Variants in NFIA observed in about 807,000 individuals in gnomAD.
The protein encoded by NFIA is nuclear factor I A.
A neutral mutation model predicts 62.8 loss-of-function variants in NFIA; 8 were observed. The ratio of observed to expected loss-of-function variants is 0.13; its 90% CI spans 0.07 to 0.23. The LOEUF (loss-of-function observed/expected upper bound fraction) is 0.23. Ranked by LOEUF, NFIA falls within the 10% of genes least tolerant of loss-of-function variation. The pLI, the probability that NFIA is intolerant of heterozygous loss-of-function variation, is 1.00. For synonymous variants in NFIA, 235 were observed against 238.1 expected (o/e 0.99, Z 0.12); for missense variants, 410 against 642.1 (o/e 0.64, Z 3.91).
At chr1:61,114,657 G>A (rs1276536094) in intron 2 of NFIA, among the ~76,000 whole-genome samples, 1 of 152,148 alleles carries the variant, frequency 6.6e-6, no homozygotes, top group Non-Finnish European at 1.5e-5. Context: ...CTGAGGTCAT[G>A]TCAGAGTTAC....
chr1:61,449,446 T>C (rs1667966272), intron 10 of NFIA, among the ~76,000 whole-genome samples: 2 of 152,232 alleles, frequency 1.3e-5, no homozygotes, highest in Non-Finnish European at 2.9e-5. Flanking sequence ...AATTAAAGTT[T>C]AGCAACTGTG....
rs1553168460 is a variant in NFIA at position 61,283,594 on chromosome 1, A to AAAAG, written c.625+6012_625+6013insGAAA. 9.1e-5 allele frequency among the ~76,000 whole-genome samples: 10 copies of AAAAG among 110,110 alleles called. 1 individual carries two copies. The highest frequency in any genetic ancestry group is 3.0e-4 in the East Asian group (1 of 3,290). 72.2% of individuals were successfully genotyped at this position (110,110 alleles called of 152,430 possible). ...GAGACTCTGTCTCAAAAAAAAAAAA[A>AAAAG]AAAAAAAAAAAAAAGATTTATGTGT... On this transcript the variant is annotated intron_variant, in intron 3 of 10. Transcript: ENST00000403491.
intron 2 of NFIA, among the ~76,000 whole-genome samples, chr1:61,225,416 A>G (rs1347640760): frequency 1.3e-5 from 2 of 151,856 alleles, no homozygotes; most frequent in African/African-American, 2.4e-5. Flanking sequence ...ATGCCCAGCT[A>G]ATTTTTGTAT....
At chr1:61,419,126 A>G (rs566787475) in intron 9 of NFIA, among the ~76,000 whole-genome samples, 4 of 152,196 alleles carry the variant, frequency 2.6e-5, no homozygotes, top group Non-Finnish European at 5.9e-5. Context: ...ATTATGAGAA[A>G]GAATGTTACA....
At chr1:61,350,995 A>T (rs971329613) in intron 4 of NFIA, among the ~76,000 whole-genome samples, 1 of 152,192 alleles carries the variant, frequency 6.6e-6, no homozygotes, top group Non-Finnish European at 1.5e-5. Flanking sequence ...CAGCTTTACG[A>T]TGGTGGGAAA....
At chr1:61,192,277 C>T (rs1651689775) in intron 2 of NFIA, among the ~76,000 whole-genome samples, 1 of 151,984 alleles carries the variant, frequency 6.6e-6, no homozygotes, top group Non-Finnish European at 1.5e-5. Context: ...AGCCACTGCA[C>T]CCGGCCAAAA....
chr1:61,409,022 T>C (rs996515565), intron 9 of NFIA, among the ~76,000 whole-genome samples: 9 of 152,234 alleles, frequency 5.9e-5, no homozygotes, highest in Admixed American at 5.2e-4. Context: ...CCAAGTGCTA[T>C]GTATAAGATG....
intron 2 of NFIA, among the ~76,000 whole-genome samples, chr1:61,251,902 A>G (rs1023466933): frequency 2.0e-5 from 3 of 152,212 alleles, no homozygotes; most frequent in African/African-American, 4.8e-5. Context: ...ATATATTTAG[A>G]TCAACTTGAA....
chr1:61,390,157 G>A (rs572204791), intron 7 of NFIA, among the ~76,000 whole-genome samples: 4 of 152,268 alleles, frequency 2.6e-5, no homozygotes, highest in South Asian at 4.2e-4. Flanking sequence ...CTGGCACTAC[G>A]CAAGTCCAGA....
At chr1:61,205,077 C>T (rs1652807166) in intron 2 of NFIA, among the ~76,000 whole-genome samples, 1 of 152,178 alleles carries the variant, frequency 6.6e-6, no homozygotes, top group Non-Finnish European at 1.5e-5. Flanking sequence ...CAATTAGGTA[C>T]TTAATGGCTA....
rs1651026541 is a variant in NFIA at position 61,184,622 on chromosome 1, C to CT, written c.560-92897dup. On this transcript the variant is annotated intron_variant, in intron 2 of 10. Transcript: ENST00000403491. ...TGAGAAACTGGTGGACCGACACACT[C>CT]TAATTTTTTGGCTTCTGACCAAACA... Among the ~76,000 whole-genome samples the CT allele has an allele frequency of 2.0e-5, 3 of 152,220 alleles. No individual in the cohort carries two copies. In the South Asian group the frequency reaches 6.2e-4, roughly 32 times the overall value.
intron 2 of NFIA, among the ~76,000 whole-genome samples, chr1:61,236,532 C>G (rs889679277): frequency 2.0e-5 from 3 of 152,032 alleles, no homozygotes; most frequent in African/African-American, 4.8e-5. Flanking sequence ...AGAGAAAATG[C>G]CGAAGTTGTA....
intron 9 of NFIA, among the ~76,000 whole-genome samples, chr1:61,417,537 AT>A (rs1666408625): frequency 6.6e-6 from 1 of 151,880 alleles, no homozygotes; most frequent in African/African-American, 2.4e-5. Context: ...TAGAATTGGA[AT>A]TGCTAATACA....
chr1:61,081,957 GC>G (rs1262968318), upstream of NFIA: 1 of 1,550,552 alleles, frequency 6.4e-7, no homozygotes. Flanking sequence ...CAAATGTGCC[GC>G]CCGGCCTCCT....
At chr1:61,209,334 G>A (rs1653095447) in intron 2 of NFIA, among the ~76,000 whole-genome samples, 1 of 151,920 alleles carries the variant, frequency 6.6e-6, no homozygotes, top group Non-Finnish European at 1.5e-5. Context: ...AGCCAGCTAG[G>A]GTTAAACAGG....
chr1:61,335,797 A>G (rs1040885719), intron 4 of NFIA, among the ~76,000 whole-genome samples: 31 of 152,018 alleles, frequency 2.0e-4, no homozygotes, highest in Non-Finnish European at 7.4e-5. Context: ...AGCTGAGATC[A>G]TGCCATTGCA....
intron 4 of NFIA, among the ~76,000 whole-genome samples, chr1:61,343,297 G>A (rs1454092623): frequency 1.3e-5 from 2 of 152,298 alleles, no homozygotes; most frequent in East Asian, 3.9e-4. Context: ...GTATCTTCCT[G>A]ATTCGGAGTG....
At chr1:61,440,992 A>G (rs1035393430) in intron 10 of NFIA, among the ~76,000 whole-genome samples, 6 of 152,220 alleles carry the variant, frequency 3.9e-5, no homozygotes, top group African/African-American at 1.4e-4. Flanking sequence ...TCATTTTAAT[A>G]AAGTAGCACC....
At chr1:61,274,905 TG>T (rs1657715814) in intron 2 of NFIA, among the ~76,000 whole-genome samples, 1 of 152,168 alleles carries the variant, frequency 6.6e-6, no homozygotes, top group African/African-American at 2.4e-5. Flanking sequence ...TGGGTAGTTT[TG>T]CTCCTTCTTG....
Sources: allele counts gnomAD v4.1 joint callset (sites outside exome capture counted in the v4.1 genomes callset), GRCh38; gene constraint gnomAD v4.1.1; transcripts MANE v1.5; gene names NCBI Gene and HGNC (gene_info 2026-07-23, HGNC 2026-07-21).